PITPNC1: variants seen among roughly 807,000 people sequenced by gnomAD.
PITPNC1 encodes the protein phosphatidylinositol transfer protein cytoplasmic 1.
A neutral mutation model predicts 44.7 loss-of-function variants in PITPNC1; 18 were observed. The ratio of observed to expected loss-of-function variants is 0.40; its 90% CI spans 0.28 to 0.60. PITPNC1 has a LOEUF of 0.60. PITPNC1 is among the 20% of genes least tolerant of loss of function. The pLI is 0.39. For missense variants in PITPNC1, 290 were observed against 418.4 expected, an observed-to-expected ratio of 0.69 and a Z score of 2.68; for synonymous variants, 141 against 149.6, an observed-to-expected ratio of 0.94 and a Z score of 0.42.
rs752200451 is a variant in PITPNC1, at chr17:67,378,113, G to T, written c.-42G>T. ...CAGCAGCCTTGCTGGTCTTGGGGGC[G>T]CCCCCCGCTTCCCGCCCCGGGGGTC... On this transcript the variant is annotated 5_prime_UTR_variant, in exon 1 of 9. Transcript: ENST00000581322. 2.1e-6 allele frequency: 3 copies of T among 1,454,266 alleles called. No homozygotes were observed. The highest frequency in any genetic ancestry group is 1.3e-5 in the South Asian group (1 of 78,626). The allele number at this position is 1,454,266 out of a possible 1,614,324, so 90.1% of individuals were successfully genotyped here.
At chr17:67,470,429 A>G (rs1437224309) in intron 1 of PITPNC1, among the ~76,000 whole-genome samples, 1 of 152,266 alleles carries the variant, frequency 6.6e-6, no homozygotes, top group Non-Finnish European at 1.5e-5. Context: ...GTTCCTAACA[A>G]GCACTGATCT....
At chr17:67,657,762 C>T (rs1377395832) in intron 6 of PITPNC1, among the ~76,000 whole-genome samples, 1 of 152,214 alleles carries the variant, frequency 6.6e-6, no homozygotes, top group Non-Finnish European at 1.5e-5. Context: ...AGGAACCACA[C>T]ATTGATTTAA....
intron 5 of PITPNC1, among the ~76,000 whole-genome samples, chr17:67,606,504 G>A (rs1170118893): frequency 2.0e-5 from 3 of 152,248 alleles, no homozygotes; most frequent in Non-Finnish European, 4.4e-5. Context: ...AGTCGGAGAC[G>A]TTTGCAGATG....
intron 2 of PITPNC1, among the ~76,000 whole-genome samples, chr17:67,541,225 A>T (rs1476824869): frequency 6.6e-6 from 1 of 152,086 alleles, no homozygotes; most frequent in African/African-American, 2.4e-5. Flanking sequence ...AAAAAATAAT[A>T]ATAAAAATAA....
At chr17:67,681,703 A>G (rs756170585) in intron 8 of PITPNC1, among the ~76,000 whole-genome samples, 11 of 151,972 alleles carry the variant, frequency 7.2e-5, no homozygotes, top group Non-Finnish European at 1.5e-4. Context: ...CAAATAGCCA[A>G]TAAACTTACT....
intron 5 of PITPNC1, among the ~76,000 whole-genome samples, chr17:67,610,975 C>T (rs2041680785): frequency 6.6e-6 from 1 of 150,948 alleles, no homozygotes; most frequent in Non-Finnish European, 1.5e-5. Context: ...TAAACTTTGA[C>T]ATCTGCTGCT....
At chr17:67,454,455 T>A (rs1232220217) in intron 1 of PITPNC1, among the ~76,000 whole-genome samples, 1 of 152,188 alleles carries the variant, frequency 6.6e-6, no homozygotes, top group East Asian at 1.9e-4. Flanking sequence ...AGATTTAGAA[T>A]GACATATTAT....
chr17:67,409,690 C>T (rs2038462926), intron 1 of PITPNC1, among the ~76,000 whole-genome samples: 1 of 151,992 alleles, frequency 6.6e-6, no homozygotes, highest in Admixed American at 6.6e-5. Context: ...AAGTGCACGC[C>T]ACCACGCCCA....
intron 5 of PITPNC1, among the ~76,000 whole-genome samples, chr17:67,618,693 A>G (rs1248915649): frequency 6.6e-6 from 1 of 152,120 alleles, no homozygotes; most frequent in Non-Finnish European, 1.5e-5. Context: ...TGGAGGTTGC[A>G]GTGAGCCAAG....
At position 67,413,200 on chromosome 17, in the gene PITPNC1, T is replaced by C. The variant is rs116864501; in HGVS notation, c.48+34998T>C. Among the ~76,000 whole-genome samples the C allele has an allele frequency of 8.5e-3, 1,292 of 152,296 alleles. 12 individuals carry two copies. Among genetic ancestry groups the C allele is most frequent in the Non-Finnish European group, 0.013 (913 of 68,030 alleles). ...AAGAATGACTTGGAGTGGTAGATCT[T>C]GATTCAGTCGTTCTGAGGATAGCAC... On this transcript the variant is annotated intron_variant, in intron 1 of 8. Transcript: ENST00000581322.
intron 4 of PITPNC1, among the ~76,000 whole-genome samples, chr17:67,574,530 A>G (rs1033203477): frequency 6.6e-6 from 1 of 152,156 alleles, no homozygotes; most frequent in Non-Finnish European, 1.5e-5. Context: ...AGATCAGTGG[A>G]TGAGATATAA....
At chr17:67,602,775 C>T (rs911613401) in intron 5 of PITPNC1, among the ~76,000 whole-genome samples, 2 of 152,188 alleles carry the variant, frequency 1.3e-5, no homozygotes, top group South Asian at 2.1e-4. Context: ...CTTGCTCTGT[C>T]GCCCAGGTTA....
intron 5 of PITPNC1, among the ~76,000 whole-genome samples, chr17:67,615,985 A>T (rs1368125825): frequency 6.6e-6 from 1 of 152,176 alleles, no homozygotes; most frequent in East Asian, 1.9e-4. Flanking sequence ...GGCCAAACTC[A>T]TGAAAGGGCC....
chr17:67,453,401 C>T (rs934285199), intron 1 of PITPNC1, among the ~76,000 whole-genome samples: 1 of 152,074 alleles, frequency 6.6e-6, no homozygotes, highest in Non-Finnish European at 1.5e-5. Flanking sequence ...AACTCAATCT[C>T]GAAATGACTA....
intron 1 of PITPNC1, among the ~76,000 whole-genome samples, chr17:67,491,294 C>T (rs887773851): frequency 5.3e-5 from 8 of 152,174 alleles, no homozygotes; most frequent in Non-Finnish European, 8.8e-5. Flanking sequence ...GAGGACCGTG[C>T]GTGATGTAAC....
chr17:67,500,000 G>A (rs978711749), intron 1 of PITPNC1, among the ~76,000 whole-genome samples: 6 of 152,186 alleles, frequency 3.9e-5, no homozygotes, highest in Non-Finnish European at 8.8e-5. Flanking sequence ...CTTTCTCAAT[G>A]TATCAGTTTT....
intron 1 of PITPNC1, among the ~76,000 whole-genome samples, chr17:67,451,481 C>G (rs1456756285): frequency 6.6e-6 from 1 of 152,164 alleles, no homozygotes; most frequent in African/African-American, 2.4e-5. Flanking sequence ...TCCATTCCCC[C>G]CTAAACATCC....
At chr17:67,463,137 A>G (rs909825815) in intron 1 of PITPNC1, among the ~76,000 whole-genome samples, 1 of 152,240 alleles carries the variant, frequency 6.6e-6, no homozygotes, top group Admixed American at 6.5e-5. Flanking sequence ...CTGATGAGAT[A>G]TAGCATTTGT....
rs570156460 is a variant in PITPNC1 at position 67,435,334 on chromosome 17, A to G, written c.48+57132A>G. Among the ~76,000 whole-genome samples, 9 of 152,286 alleles carry G rather than the reference A, an allele frequency of 5.9e-5. No individual in the cohort carries two copies. In the South Asian group the frequency reaches 1.9e-3, roughly 32 times the overall value. On this transcript the variant is annotated intron_variant, in intron 1 of 8. Coordinates refer to ENST00000581322, the MANE Select transcript of PITPNC1 (RefSeq NM_012417.4). ...TGCTTTTGACGTTTCTGTAACCTTC[A>G]CTAAACGTGACACCCTCCGGGGCCA...
Sources: allele counts gnomAD v4.1 joint callset (sites outside exome capture counted in the v4.1 genomes callset), GRCh38; gene constraint gnomAD v4.1.1; transcripts MANE v1.5; gene names NCBI Gene and HGNC (gene_info 2026-07-23, HGNC 2026-07-21).